WNT16: variants seen among roughly 807,000 people sequenced by gnomAD.
WNT16 encodes Wnt family member 16.
Under a neutral mutation model 35.4 loss-of-function variants are expected in WNT16, and 20 were observed. The ratio of observed to expected loss-of-function variants is 0.56; its 90% CI spans 0.40 to 0.82. The LOEUF (loss-of-function observed/expected upper bound fraction) is 0.82, where lower values mean the gene tolerates loss of function less well. Among genes scored for constraint, WNT16 ranks in the 40% least tolerant of loss-of-function variants. The probability of loss-of-function intolerance (pLI) is 0.00; values close to 1 mark genes in which losing one functional copy is unlikely to be tolerated. For missense variants in WNT16, 461 were observed against 466.0 expected, an observed-to-expected ratio of 0.99 and a Z score of 0.10; for synonymous variants, 180 against 179.2, an observed-to-expected ratio of 1.00 and a Z score of -0.03.
At position 121,331,673 on chromosome 7, in the gene WNT16, T is replaced by C; in HGVS notation, c.347-5T>C. ...CTCTAATTTAGCAATTTATATTTTT[T>C]CTAGGCACCAAAGAGACAGCATTTA... On this transcript the variant is annotated splice_region_variant and splice_polypyrimidine_tract_variant and intron_variant, in intron 2 of 3. Coordinates refer to ENST00000222462, the MANE Select transcript of WNT16 (RefSeq NM_057168.2). 1.3e-6 allele frequency: 2 copies of C among 1,597,946 alleles called. No homozygotes were observed. Among genetic ancestry groups the C allele is most frequent in the Non-Finnish European group, 1.7e-6 (2 of 1,166,762 alleles).
At position 121,331,906 on chromosome 7, in the gene WNT16, G is replaced by A. The variant is rs1793356007; in HGVS notation, c.575G>A (p.Gly192Asp). The A allele has an allele frequency of 1.9e-6, 3 of 1,614,030 alleles. No homozygotes were observed. Among genetic ancestry groups the A allele is most frequent in the African/African-American group, 1.3e-5 (1 of 74,912 alleles). Residue 192 changes from glycine (G) to aspartate (D), a missense_variant, in exon 3 of 4, where the codon GGC becomes GAC. Gly to Asp is a moderately conservative substitution (Grantham distance 94). Transcript: ENST00000222462. ...GATTTCCCCATCGGAAACACCACGG[G>A]CAAAGAAAACAAAGTACTATTAGCA... is the stretch of plus-strand genomic sequence containing the variant. ...FLDFPIGNTTGKENKVLLAMN... is the reference protein window; with the variant it reads ...FLDFPIGNTTDKENKVLLAMN...
At chr7:121,333,699 T>C (rs560362602) in intron 3 of WNT16, among the ~76,000 whole-genome samples, 5 of 152,012 alleles carry the variant, frequency 3.3e-5, no homozygotes, top group Non-Finnish European at 7.4e-5. Context: ...GAGATAAGAT[T>C]ATTCAAATTA....
intron 2 of WNT16, 102 bp from the exon 3 acceptor site, chr7:121,331,576 T>G: frequency 1.8e-6 from 2 of 1,110,620 alleles, no homozygotes; most frequent in Non-Finnish European, 2.5e-6. Context: ...TGTAAGCAAC[T>G]GAAAAATTAC....
rs1237081309 is a variant in WNT16 at position 121,329,333 on chromosome 7, C to A, written c.41C>A (p.Ala14Glu). 9 of 1,599,718 alleles carry A rather than the reference C, an allele frequency of 5.6e-6. No homozygotes were observed. The South Asian group carries it at 1.0e-4, about 18-fold the overall frequency. Reference protein sequence around the residue: ...AALLGLARLCALWAALLVLFP... With the variant: ...AALLGLARLCELWAALLVLFP... ...CTCCTGGGACTGGCCCGCTTGTGCG[C>A]GCTGTGGGCAGCCCTGCTCGTGCTG... is the stretch of plus-strand genomic sequence containing the variant. The change falls in exon 1 of 4, where the codon GCG becomes GAG. Residue 14 changes from alanine to glutamate, a missense_variant. By Grantham distance (107) the Ala-to-Glu change is moderately radical. Coordinates refer to ENST00000222462, the MANE Select transcript of WNT16 (RefSeq NM_057168.2).
intron 3 of WNT16, among the ~76,000 whole-genome samples, chr7:121,337,360 T>A (rs992815901): frequency 2.6e-5 from 4 of 152,236 alleles, no homozygotes; most frequent in African/African-American, 9.6e-5. Flanking sequence ...CAGACATTTT[T>A]AAAATTTGTT....
chr7:121,329,929 A>G (rs1312726362), intron 2 of WNT16, 112 bp downstream of exon 2: 3 of 1,462,738 alleles, frequency 2.1e-6, no homozygotes, highest in Non-Finnish European at 1.8e-6. Flanking sequence ...TCTAAGTTCC[A>G]GAAGAAGCCC....
At chr7:121,338,313 A>G (rs1026206711) in intron 3 of WNT16, among the ~76,000 whole-genome samples, 8 of 152,190 alleles carry the variant, frequency 5.3e-5, no homozygotes, top group Admixed American at 1.3e-4. Flanking sequence ...GTAAAGTTCC[A>G]TGATGTTTCT....
chr7:121,329,320 G>T lies in WNT16; in HGVS notation c.28G>T (p.Ala10Ser), dbSNP rs747451722. MDRAALLGLARLCALWAALL... is the reference protein window; with the variant it reads MDRAALLGLSRLCALWAALL... ...GGACAGGGCGGCGCTCCTGGGACTG[G>T]CCCGCTTGTGCGCGCTGTGGGCAGC... Residue 10 changes from alanine (A) to serine (S), a missense_variant, in exon 1 of 4, where the codon GCC (alanine) becomes TCC (serine). Transcript: ENST00000222462. The T allele has an allele frequency of 1.3e-6, 2 of 1,590,978 alleles. No individual in the cohort carries two copies. Among genetic ancestry groups the T allele is most frequent in the South Asian group, 1.1e-5 (1 of 88,110 alleles).
chr7:121,335,693 G>A (rs1342066084), intron 3 of WNT16, among the ~76,000 whole-genome samples: 1 of 151,976 alleles, frequency 6.6e-6, no homozygotes, highest in African/African-American at 2.4e-5. Flanking sequence ...CTTTCTGGGG[G>A]AGTGTTCATG....
intron 3 of WNT16, among the ~76,000 whole-genome samples, chr7:121,333,209 A>C (rs1262269644): frequency 6.6e-6 from 1 of 152,042 alleles, no homozygotes; most frequent in Non-Finnish European, 1.5e-5. Flanking sequence ...TAGTAATCTT[A>C]AAAGTATATG....
chr7:121,330,150 C>G (rs1793315925), intron 2 of WNT16, among the ~76,000 whole-genome samples: 1 of 152,252 alleles, frequency 6.6e-6, no homozygotes, highest in Non-Finnish European at 1.5e-5. Context: ...ACGTGGGTGA[C>G]CAGCTGGAGA....
rs1471346995 is a variant in WNT16 at position 121,329,243 on chromosome 7, A to G, written c.-50A>G. 1.5e-5 allele frequency: 22 copies of G among 1,491,056 alleles called. No homozygotes were observed. Among genetic ancestry groups the G allele is most frequent in the Non-Finnish European group, 1.8e-5 (20 of 1,119,644 alleles). 92.4% of individuals were successfully genotyped at this position (1,491,056 alleles called of 1,614,324 possible). ...CCTGCGGCCCGAAGGGCCTCTGGGGAGGGGGTGCAAAAGAGGAGCGGCTGG... is the reference window on the plus strand; with the variant it reads ...CCTGCGGCCCGAAGGGCCTCTGGGGGGGGGGTGCAAAAGAGGAGCGGCTGG... On this transcript the variant is annotated 5_prime_UTR_variant, in exon 1 of 4. Coordinates refer to ENST00000222462, the MANE Select transcript of WNT16 (RefSeq NM_057168.2).
intron 3 of WNT16, among the ~76,000 whole-genome samples, chr7:121,332,884 C>T (rs1208522868): frequency 6.6e-6 from 1 of 151,968 alleles, no homozygotes; most frequent in Non-Finnish European, 1.5e-5. Context: ...CATTTTTATA[C>T]TGTTTTCTTA....
chr7:121,330,901 T>C (rs568284458), intron 2 of WNT16, among the ~76,000 whole-genome samples: 1 of 152,266 alleles, frequency 6.6e-6, no homozygotes, highest in Admixed American at 6.5e-5. Context: ...GTCCATGTTA[T>C]TAATGTTTTA....
At chr7:121,328,952 G>A, upstream of WNT16, 1 of 922,448 alleles carries the variant, frequency 1.1e-6, no homozygotes, top group Non-Finnish European at 1.3e-6. Flanking sequence ...GCGGCCAGGG[G>A]GAGGAGATGG....
At chr7:121,330,490 G>A (rs897476863) in intron 2 of WNT16, among the ~76,000 whole-genome samples, 1 of 152,210 alleles carries the variant, frequency 6.6e-6, no homozygotes, top group African/African-American at 2.4e-5. Context: ...TAAGGATAAA[G>A]GTACAGGGAG....
chr7:121,331,989 C>A, intron 3 of WNT16, 25 bp downstream of exon 3: 2 of 1,609,414 alleles, frequency 1.2e-6, no homozygotes, highest in South Asian at 2.2e-5. Context: ...ATGGAATAAT[C>A]AAAACCCAGT....
upstream of WNT16, among the ~76,000 whole-genome samples, chr7:121,326,038 CAAA>C (rs386411143): frequency 1.3e-4 from 3 of 23,088 alleles, no homozygotes; most frequent in Non-Finnish European, 2.7e-4. Context: ...TACCTCATCT[CAAA>C]AAAAAAAAAA....
upstream of WNT16, chr7:121,325,553 C>G: frequency 6.2e-6 from 9 of 1,456,362 alleles, no homozygotes; most frequent in South Asian, 6.2e-5. Flanking sequence ...TGAATTGTGA[C>G]GTAAGGAACC....
Sources: allele counts gnomAD v4.1 joint callset (sites outside exome capture counted in the v4.1 genomes callset), GRCh38; gene constraint gnomAD v4.1.1; transcripts MANE v1.5; gene names NCBI Gene and HGNC (gene_info 2026-07-23, HGNC 2026-07-21).